GPC4: variants seen among roughly 807,000 people sequenced by gnomAD.
GPC4 encodes glypican-4.
GPC4 carries 10 observed loss-of-function variants against 35.0 expected under a neutral mutation model. The ratio of observed to expected loss-of-function variants is 0.29; its 90% CI spans 0.18 to 0.48. The LOEUF (loss-of-function observed/expected upper bound fraction) is 0.48, where lower values mean the gene tolerates loss of function less well. Among genes scored for constraint, GPC4 ranks in the 20% least tolerant of loss-of-function variants. The probability of loss-of-function intolerance (pLI) is 0.99; values close to 1 mark genes in which losing one functional copy is unlikely to be tolerated. For synonymous variants in GPC4, 167 were observed against 170.2 expected, an observed-to-expected ratio of 0.98 and a Z score of 0.15; for missense variants, 322 against 451.3, an observed-to-expected ratio of 0.71 and a Z score of 2.60.
chrX:133,414,665 C>A, intron 1 of GPC4, 141 bp downstream of exon 1: 3 of 1,127,690 alleles, frequency 2.7e-6, no homozygotes, highest in Non-Finnish European at 3.5e-6. Context: ...CGCTCGCTCG[C>A]TCCTGCCCTC....
intron 1 of GPC4, among the ~76,000 whole-genome samples, chrX:133,394,284 A>ATATATATG (rs2068732706): frequency 9.1e-6 from 1 of 109,932 alleles, no homozygotes; most frequent in African/African-American, 3.3e-5. Flanking sequence ...AAAAATATAT[A>ATATATATG]TATATATGTA....
intron 3 of GPC4, among the ~76,000 whole-genome samples, chrX:133,323,093 T>C (rs915006704): frequency 9.0e-6 from 1 of 111,250 alleles, no homozygotes; most frequent in Non-Finnish European, 1.9e-5. Flanking sequence ...AACTGGGAGA[T>C]AAAGGCACAG....
chrX:133,407,219 G>C (rs1161518577), intron 1 of GPC4, among the ~76,000 whole-genome samples: 1 of 110,902 alleles, frequency 9.0e-6, no homozygotes, highest in Non-Finnish European at 1.9e-5. Flanking sequence ...AGCTCCTCAG[G>C]TGCCAGGTGG....
intron 4 of GPC4, among the ~76,000 whole-genome samples, chrX:133,309,380 G>A (rs2068304736): frequency 8.9e-6 from 1 of 112,535 alleles, no homozygotes; most frequent in African/African-American, 3.2e-5. Context: ...TTGTTTTCGA[G>A]TAACTGATTT....
At chrX:133,361,980 G>A (rs1453809112) in intron 1 of GPC4, among the ~76,000 whole-genome samples, 6 of 110,794 alleles carry the variant, frequency 5.4e-5, no homozygotes, top group Non-Finnish European at 9.4e-5. Flanking sequence ...TGGGGAGTCT[G>A]AGGCGGGAGG....
At chrX:133,397,318 G>A (rs6654669) in intron 1 of GPC4, among the ~76,000 whole-genome samples, 1 of 111,806 alleles carries the variant, frequency 8.9e-6, no homozygotes, top group Admixed American at 9.5e-5. Flanking sequence ...CCAGCGCTTT[G>A]GGAAGCCGAG....
chrX:133,348,968 G>A (rs1373384647), intron 1 of GPC4, among the ~76,000 whole-genome samples: 4 of 112,369 alleles, frequency 3.6e-5, no homozygotes, highest in East Asian at 2.8e-4. Context: ...GGTTGATCAC[G>A]TCTGTTAGAG....
intron 2 of GPC4, 32 bp from the exon 3 acceptor site, chrX:133,324,568 AAGG>A: frequency 9.7e-7 from 1 of 1,028,918 alleles, no homozygotes. Flanking sequence ...AAAAAAAAAA[AAGG>A]AAAAACGAGA....
At chrX:133,340,785 A>G (rs1047103792) in intron 1 of GPC4, among the ~76,000 whole-genome samples, 1 of 111,869 alleles carries the variant, frequency 8.9e-6, no homozygotes, top group African/African-American at 3.3e-5. Context: ...ATATAATCAT[A>G]TATGTTCCCG....
intron 1 of GPC4, among the ~76,000 whole-genome samples, chrX:133,370,396 G>C (rs2068607498): frequency 8.9e-6 from 1 of 112,116 alleles, no homozygotes; most frequent in Non-Finnish European, 1.9e-5. Context: ...ATTTTCTAGA[G>C]AATGATTTGA....
At chrX:133,383,183 G>A (rs1469286237) in intron 1 of GPC4, among the ~76,000 whole-genome samples, 1 of 111,670 alleles carries the variant, frequency 9.0e-6, no homozygotes, top group Non-Finnish European at 1.9e-5. Flanking sequence ...GTGAATCTGT[G>A]GTTCATCCAG....
chrX:133,320,598 T>C (rs1307578519), intron 3 of GPC4, among the ~76,000 whole-genome samples: 3 of 85,930 alleles, frequency 3.5e-5, no homozygotes, highest in African/African-American at 1.4e-4. Flanking sequence ...CACTCCAGCC[T>C]GGGCAGCAAG....
chrX:133,344,926 G>T (rs2068485836), intron 1 of GPC4, among the ~76,000 whole-genome samples: 2 of 112,404 alleles, frequency 1.8e-5, no homozygotes, highest in South Asian at 7.4e-4. Flanking sequence ...GGTAAGGACC[G>T]CAGTGAGGAA....
intron 1 of GPC4, among the ~76,000 whole-genome samples, chrX:133,367,155 G>A (rs2068593288): frequency 8.9e-6 from 1 of 111,849 alleles, no homozygotes; most frequent in Non-Finnish European, 1.9e-5. Context: ...TTTATTCCTT[G>A]CTTTGCTGTG....
At chrX:133,393,910 T>C (rs1232256507) in intron 1 of GPC4, among the ~76,000 whole-genome samples, 1 of 111,910 alleles carries the variant, frequency 8.9e-6, no homozygotes, top group Non-Finnish European at 1.9e-5. Flanking sequence ...ACAAAAGCAT[T>C]TTTACAGTTG....
At chrX:133,355,385 A>G (rs1297107754) in intron 1 of GPC4, among the ~76,000 whole-genome samples, 1 of 112,090 alleles carries the variant, frequency 8.9e-6, no homozygotes, top group Non-Finnish European at 1.9e-5. Context: ...GCAAGTAGAA[A>G]ATATACTCTT....
At chrX:133,318,320 G>C (rs926193742) in intron 3 of GPC4, among the ~76,000 whole-genome samples, 2 of 112,240 alleles carry the variant, frequency 1.8e-5, no homozygotes, top group Non-Finnish European at 3.8e-5. Flanking sequence ...TGGTAAAATA[G>C]TTTGTTTAGT....
intron 1 of GPC4, among the ~76,000 whole-genome samples, chrX:133,358,505 G>T (rs999367255): frequency 8.9e-6 from 1 of 112,175 alleles, no homozygotes; most frequent in Admixed American, 9.4e-5. Flanking sequence ...TCATTTTGTT[G>T]AAAGAACTCT....
At chrX:133,377,704 TC>T (rs775429365) in intron 1 of GPC4, among the ~76,000 whole-genome samples, 2 of 108,959 alleles carry the variant, frequency 1.8e-5, no homozygotes, top group South Asian at 4.0e-4. Flanking sequence ...TATCTTATCC[TC>T]CCCCCCTTTA....
Sources: allele counts gnomAD v4.1 joint callset (sites outside exome capture counted in the v4.1 genomes callset), GRCh38; gene constraint gnomAD v4.1.1; transcripts MANE v1.5; gene names NCBI Gene and HGNC (gene_info 2026-07-23, HGNC 2026-07-21).